The following LMX1B variants were observed in gnomAD, a reference collection of about 807,000 sequenced individuals.
LMX1B encodes LIM homeobox transcription factor 1 beta.
LMX1B carries 12 observed loss-of-function variants against 51.4 expected under a neutral mutation model. The ratio of observed to expected loss-of-function variants is 0.23; its 90% CI spans 0.15 to 0.38. The LOEUF is 0.38. Among genes scored for constraint, LMX1B ranks in the 10% least tolerant of loss-of-function variants. The pLI is 1.00. For missense variants in LMX1B, 445 were observed against 571.1 expected (o/e 0.78, Z 2.25); for synonymous variants, 237 against 235.4 (o/e 1.01, Z -0.06).
chr9:126,658,407 G>C lies in LMX1B; in HGVS notation c.327-32429G>C, dbSNP rs59649211. On this transcript the variant is annotated intron_variant, in intron 2 of 7. Transcript: ENST00000373474. The surrounding 1 kb of genome is among the most constrained non-coding windows in gnomAD (Gnocchi z 4.0). Reference sequence around the variant, plus strand: ...CTGGCTGCCGGGCCCGGGCACCCCTGCTGCTGACCCCCTGCCCTCCCTGCC... The same window carrying C: ...CTGGCTGCCGGGCCCGGGCACCCCTCCTGCTGACCCCCTGCCCTCCCTGCC... 0.08 allele frequency among the ~76,000 whole-genome samples: 12,220 copies of C among 152,078 alleles called. 703 individuals are homozygous for C. Among genetic ancestry groups the C allele is most frequent in the East Asian group, 0.23 (1,194 of 5,146 alleles).
At chr9:126,630,544 G>C (rs1222630740) in intron 2 of LMX1B, among the ~76,000 whole-genome samples, 1 of 152,200 alleles carries the variant, frequency 6.6e-6, no homozygotes, top group Non-Finnish European at 1.5e-5. Context: ...GAGAACCTAA[G>C]TGTCTTGCCC....
intron 2 of LMX1B, among the ~76,000 whole-genome samples, chr9:126,664,028 CT>C (rs1279332200): frequency 1.3e-5 from 2 of 152,352 alleles, no homozygotes; most frequent in African/African-American, 4.8e-5. Context: ...CCCACGCCAG[CT>C]GCACCCACGG....
intron 2 of LMX1B, among the ~76,000 whole-genome samples, chr9:126,627,593 G>C (rs963160628): frequency 6.6e-6 from 1 of 152,036 alleles, no homozygotes; most frequent in Non-Finnish European, 1.5e-5. Context: ...TTTCCCCAGA[G>C]CTGGAGCAGG....
chr9:126,615,377 C>A lies in LMX1B; in HGVS notation c.140-6C>A. The A allele has an allele frequency of 6.3e-7, 1 of 1,589,010 alleles. No individual in the cohort carries two copies. The highest frequency in any genetic ancestry group is 8.5e-7 in the Non-Finnish European group (1 of 1,171,438). Reference sequence around the variant, plus strand: ...GACGGCCGGGCTTTCGCCCTGTGCGCTACAGGCTCCGACTGCCCGCATCCC... The same window carrying A: ...GACGGCCGGGCTTTCGCCCTGTGCGATACAGGCTCCGACTGCCCGCATCCC... On this transcript the variant is annotated splice_region_variant and splice_polypyrimidine_tract_variant and intron_variant, in intron 1 of 7. Transcript: ENST00000373474. The surrounding 1 kb of genome is among the most constrained non-coding windows in gnomAD (Gnocchi z 6.0).
intron 2 of LMX1B, among the ~76,000 whole-genome samples, chr9:126,650,304 T>C (rs2118899690): frequency 6.6e-6 from 1 of 152,302 alleles, no homozygotes; most frequent in Non-Finnish European, 1.5e-5. Context: ...TCACAGACCT[T>C]GGTCATCTTT....
At chr9:126,627,196 C>T (rs1835550247) in intron 2 of LMX1B, among the ~76,000 whole-genome samples, 1 of 152,144 alleles carries the variant, frequency 6.6e-6, no homozygotes, top group African/African-American at 2.4e-5. Context: ...CCCCGGTCTC[C>T]TCCCCGTGGC....
intron 2 of LMX1B, among the ~76,000 whole-genome samples, chr9:126,669,009 T>C (rs1836397536): frequency 6.6e-6 from 1 of 152,232 alleles, no homozygotes; most frequent in Admixed American, 6.5e-5. Context: ...ACTCGTTTGC[T>C]CTTTAGAAAT....
At chr9:126,674,257 G>A (rs1836514642) in intron 2 of LMX1B, among the ~76,000 whole-genome samples, 1 of 152,110 alleles carries the variant, frequency 6.6e-6, no homozygotes, top group South Asian at 2.1e-4. Context: ...TGAGTGTCTG[G>A]AGCCCTCCTC....
intron 2 of LMX1B, among the ~76,000 whole-genome samples, chr9:126,660,486 A>G (rs1427344838): frequency 2.0e-5 from 3 of 152,170 alleles, no homozygotes; most frequent in Non-Finnish European, 1.5e-5. Context: ...CCTGGGGTCA[A>G]ACCCCAGCTC....
At chr9:126,682,081 G>GCCTTATT (rs755608375) in intron 2 of LMX1B, among the ~76,000 whole-genome samples, 1 of 81,270 alleles carries the variant, frequency 1.2e-5, no homozygotes, top group African/African-American at 5.5e-5. Flanking sequence ...GGTCCCCAGG[G>GCCTTATT]TCTTTTTTTT....
intron 2 of LMX1B, among the ~76,000 whole-genome samples, chr9:126,674,790 C>T (rs1470595484): frequency 6.6e-6 from 1 of 152,216 alleles, no homozygotes; most frequent in African/African-American, 2.4e-5. Context: ...TCCAGGATCC[C>T]AGCCAGGACC....
In LMX1B at chr9:126,626,652, T is replaced by G. The variant is rs1699708542; in HGVS notation, c.326+11083T>G. ...CTCGAAACACTTGATACCAACTTTG[T>G]TTTTTTGGCAAGAAAAATAAGCCTT... On this transcript the variant is annotated intron_variant, in intron 2 of 7. Transcript: ENST00000373474. The surrounding 1 kb of genome is among the most constrained non-coding windows in gnomAD (Gnocchi z 4.3). Among the ~76,000 whole-genome samples, 2 of 150,010 alleles carry G rather than the reference T, an allele frequency of 1.3e-5. No individual in the cohort carries two copies. The highest frequency in any genetic ancestry group is 6.6e-5 in the Admixed American group (1 of 15,090).
intron 2 of LMX1B, among the ~76,000 whole-genome samples, chr9:126,682,051 C>T (rs1307120716): frequency 4.2e-5 from 6 of 143,614 alleles, no homozygotes; most frequent in Admixed American, 1.4e-4. Context: ...CAGCCACACC[C>T]CAGATACTTG....
chr9:126,645,888 G>A (rs573325934), intron 2 of LMX1B, among the ~76,000 whole-genome samples: 59 of 152,224 alleles, frequency 3.9e-4, no homozygotes, highest in African/African-American at 1.3e-3. Flanking sequence ...GGGAGAAGCC[G>A]CTGAGGGAGG....
rs896815694 is a variant in LMX1B, at chr9:126,677,615, A to G, written c.327-13221A>G. ...CACCAGCCGGGTGACCTGTGTAAGG[A>G]AGAGACTCCTACCTCCGGTAGTGGT... is the stretch of plus-strand genomic sequence containing the variant. On this transcript the variant is annotated intron_variant, in intron 2 of 7. Coordinates refer to ENST00000373474, the MANE Select transcript of LMX1B (RefSeq NM_001174147.2). This position sits in a 1 kb window ranked among gnomAD's most constrained non-coding sequence, Gnocchi z 5.0. Among the ~76,000 whole-genome samples the G allele has an allele frequency of 2.0e-5, 3 of 152,122 alleles. No homozygotes were observed. Among genetic ancestry groups the G allele is most frequent in the Non-Finnish European group, 4.4e-5 (3 of 68,018 alleles).
At chr9:126,637,232 G>A (rs530415621) in intron 2 of LMX1B, among the ~76,000 whole-genome samples, 14 of 152,220 alleles carry the variant, frequency 9.2e-5, no homozygotes, top group Non-Finnish European at 1.5e-4. Context: ...TCCTCCTTGG[G>A]GACTCTGGCT....
Position 126,625,538 on chromosome 9 carries a change from G to C in LMX1B, c.326+9969G>C, listed in dbSNP as rs1049093316. Among the ~76,000 whole-genome samples, 3 of 152,228 alleles carry C rather than the reference G, an allele frequency of 2.0e-5. No individual in the cohort carries two copies. The highest frequency in any genetic ancestry group is 4.4e-5 in the Non-Finnish European group (3 of 68,040). On this transcript the variant is annotated intron_variant, in intron 2 of 7. Coordinates refer to ENST00000373474, the MANE Select transcript of LMX1B (RefSeq NM_001174147.2). This position sits in a 1 kb window ranked among gnomAD's most constrained non-coding sequence, Gnocchi z 5.3. Reference sequence around the variant, plus strand: ...TGGGGCCCTCGGCGGGGCAGATTTCGTTGGATCCCTGGGACTAATGTCGCA... The same window carrying C: ...TGGGGCCCTCGGCGGGGCAGATTTCCTTGGATCCCTGGGACTAATGTCGCA...
rs1398290177 is a variant in LMX1B at position 126,671,005 on chromosome 9, TTGTC to T, written c.327-19828_327-19825del. 6.6e-6 allele frequency among the ~76,000 whole-genome samples: 1 copy of T among 152,088 alleles called. No homozygotes were observed. The highest frequency in any genetic ancestry group is 1.5e-5 in the Non-Finnish European group (1 of 68,010). On this transcript the variant is annotated intron_variant, in intron 2 of 7. Transcript: ENST00000373474. This position sits in a 1 kb window ranked among gnomAD's most constrained non-coding sequence, Gnocchi z 4.4. ...CCCACGCTAGCTGCCACCACTGTGG[TTGTC>T]TGGAGGGGAGTGCAGGACAGATACA...
intron 2 of LMX1B, among the ~76,000 whole-genome samples, chr9:126,638,620 C>T (rs975431757): frequency 4.6e-5 from 7 of 152,262 alleles, no homozygotes; most frequent in African/African-American, 1.4e-4. Flanking sequence ...TCTCTGTTCT[C>T]GGCTCTCGGG....
Sources: allele counts gnomAD v4.1 joint callset (sites outside exome capture counted in the v4.1 genomes callset), GRCh38; gene constraint gnomAD v4.1.1; non-coding constraint Gnocchi (gnomAD v3.1); transcripts MANE v1.5; gene names NCBI Gene and HGNC (gene_info 2026-07-23, HGNC 2026-07-21).